The following CCNT2 variants were observed in gnomAD, a reference collection of about 807,000 sequenced individuals.
The protein encoded by CCNT2 is cyclin-T2.
CCNT2 carries 18 observed loss-of-function variants against 70.0 expected under a neutral mutation model. The ratio of observed to expected loss-of-function variants is 0.26; its 90% CI spans 0.18 to 0.38. The LOEUF is 0.38. Ranked by LOEUF, CCNT2 falls within the 10% of genes least tolerant of loss-of-function variation. The probability of loss-of-function intolerance (pLI) is 1.00; values close to 1 mark genes in which losing one functional copy is unlikely to be tolerated. For synonymous variants in CCNT2, 334 were observed against 313.3 expected, an observed-to-expected ratio of 1.07 and a Z score of -0.70; for missense variants, 734 against 890.2, an observed-to-expected ratio of 0.82 and a Z score of 2.23.
Position 134,954,163 on chromosome 2 carries a change from A to C in CCNT2, c.1708A>C (p.Thr570Pro), listed in dbSNP as rs1573871373. ...HKEHPSSRHHTSSHKHSHSHS... is the reference protein window; with the variant it reads ...HKEHPSSRHHPSSHKHSHSHS... ...GGAGCATCCTTCAAGCCGCCACCACACCAGCAGCCACAAGCATTCCCACTC... is the reference window on the plus strand; with the variant it reads ...GGAGCATCCTTCAAGCCGCCACCACCCCAGCAGCCACAAGCATTCCCACTC... Residue 570 changes from threonine (T) to proline (P), a missense_variant, in exon 9 of 9, where the codon ACC (threonine) becomes CCC (proline). Thr to Pro is a conservative substitution (Grantham distance 38). Coordinates refer to ENST00000264157, the MANE Select transcript of CCNT2 (RefSeq NM_058241.3). 6.2e-7 allele frequency: 1 copy of C among 1,614,174 alleles called. No individual in the cohort carries two copies. Among genetic ancestry groups the C allele is most frequent in the Non-Finnish European group, 8.5e-7 (1 of 1,180,024 alleles).
intron 2 of CCNT2, among the ~76,000 whole-genome samples, chr2:134,930,006 C>G (rs1050971733): frequency 6.6e-6 from 1 of 151,824 alleles, no homozygotes; most frequent in Admixed American, 6.6e-5. Context: ...GAGAGAGATA[C>G]AATTCATATA....
intron 1 of CCNT2, among the ~76,000 whole-genome samples, chr2:134,919,449 T>G (rs1256179772): frequency 1.3e-5 from 2 of 152,172 alleles, no homozygotes; most frequent in African/African-American, 4.8e-5. Context: ...GGCGGCTCTC[T>G]TCTACCTTGG....
At chr2:134,949,374 A>G (rs1363070172) in intron 7 of CCNT2, among the ~76,000 whole-genome samples, 1 of 152,192 alleles carries the variant, frequency 6.6e-6, no homozygotes, top group Non-Finnish European at 1.5e-5. Flanking sequence ...CAACTATACC[A>G]TTGCAGCCAG....
In CCNT2 at chr2:134,947,728, T is replaced by G; in HGVS notation, c.540-8T>G. On this transcript the variant is annotated splice_polypyrimidine_tract_variant and splice_region_variant and intron_variant, in intron 6 of 8. Transcript: ENST00000264157. ...TGGCTCTCCATTTTCAAACCTGCTC[T>G]GCAACAGTCTGCATCTTACAACCTT... 1 of 1,451,512 alleles carries G rather than the reference T, an allele frequency of 6.9e-7. No homozygotes were observed. The highest frequency in any genetic ancestry group is 9.2e-7 in the Non-Finnish European group (1 of 1,081,990). 89.9% of individuals were successfully genotyped at this position (1,451,512 alleles called of 1,614,324 possible).
Position 134,948,720 on chromosome 2 carries a change from CT to C in CCNT2, c.703+835del, listed in dbSNP as rs11385900. Among the ~76,000 whole-genome samples, 524 of 143,066 alleles carry C rather than the reference CT, an allele frequency of 3.7e-3. 2 individuals carry two copies. Among genetic ancestry groups the C allele is most frequent in the African/African-American group, 7.0e-3 (275 of 39,052 alleles). 93.9% of individuals were successfully genotyped at this position (143,066 alleles called of 152,430 possible). On this transcript the variant is annotated intron_variant, in intron 7 of 8. Coordinates refer to ENST00000264157, the MANE Select transcript of CCNT2 (RefSeq NM_058241.3). ...GATTTCAGCAAGAAAATAGATAACA[CT>C]TTTTTTTTTTTTTGAGTCAGTCTCA...
chr2:134,952,954 G>A, intron 8 of CCNT2: 1 of 481,090 alleles, frequency 2.1e-6, no homozygotes. Flanking sequence ...TTTTACAAAT[G>A]GGGAAACTGA....
At chr2:134,920,389 T>C (rs1020665931) in intron 2 of CCNT2, 5 of 152,426 alleles carry the variant, frequency 3.3e-5, no homozygotes, top group Admixed American at 2.0e-4. Flanking sequence ...TGTCAACGTT[T>C]CTGTTTATCA....
At chr2:134,945,356 C>A in intron 5 of CCNT2, 1 of 985,340 alleles carries the variant, frequency 1.0e-6, no homozygotes, top group Non-Finnish European at 1.2e-6. Context: ...AAGAGCATCC[C>A]TGTTGGGAAG....
intron 2 of CCNT2, among the ~76,000 whole-genome samples, chr2:134,924,084 CTG>C (rs1249848445): frequency 6.6e-6 from 1 of 152,140 alleles, no homozygotes; most frequent in Non-Finnish European, 1.5e-5. Context: ...TTTCATGTGA[CTG>C]TGCTCTGTCA....
intron 2 of CCNT2, among the ~76,000 whole-genome samples, chr2:134,928,608 C>G (rs544241168): frequency 6.6e-6 from 1 of 151,972 alleles, no homozygotes; most frequent in Non-Finnish European, 1.5e-5. Flanking sequence ...ACGGTGTGGG[C>G]TATAGTCATT....
chr2:134,958,469 A>G lies in CCNT2; in HGVS notation c.*3821A>G, dbSNP rs1298552163. The G allele has an allele frequency of 6.6e-6, 1 of 152,212 alleles. No homozygotes were observed. Among genetic ancestry groups the G allele is most frequent in the East Asian group, 1.9e-4 (1 of 5,202 alleles). 9.4% of individuals were successfully genotyped at this position (152,212 alleles called of 1,614,324 possible). On this transcript the variant is annotated 3_prime_UTR_variant, in exon 9 of 9. Transcript: ENST00000264157. ...AAACTAAATGAGTTGACAGGACAAT[A>G]GGTGCTAATCTCATGTGCCCTAAGA...
At chr2:134,941,100 A>G (rs1681548327) in intron 4 of CCNT2, among the ~76,000 whole-genome samples, 1 of 152,202 alleles carries the variant, frequency 6.6e-6, no homozygotes, top group Non-Finnish European at 1.5e-5. Flanking sequence ...ATTGGAGAGA[A>G]GCTTAAAGCA....
rs1354493855 is a variant in CCNT2, at chr2:134,954,667, T to C, written c.*19T>C. 1 of 1,512,726 alleles carries C rather than the reference T, an allele frequency of 6.6e-7. No individual in the cohort carries two copies. The highest frequency in any genetic ancestry group is 9.1e-7 in the Non-Finnish European group (1 of 1,099,710). The allele number at this position is 1,512,726 out of a possible 1,614,324, so 93.7% of individuals were successfully genotyped here. On this transcript the variant is annotated 3_prime_UTR_variant, in exon 9 of 9. Transcript: ENST00000264157. ...CATGTAATAATTTGTTTAGGTCAAT[T>C]TTTCCTTTACTTTTTTAATTTAAAA...
chr2:134,948,109 C>CA (rs887989908), intron 7 of CCNT2, among the ~76,000 whole-genome samples: 17 of 152,018 alleles, frequency 1.1e-4, no homozygotes, highest in African/African-American at 3.1e-4. Context: ...CACTTGAGCC[C>CA]AGGAGTTCAA....
chr2:134,946,080 GT>G lies in CCNT2; in HGVS notation c.494-8del, dbSNP rs201814332. ...CGTTAAGGCTGATAGTATTGTCTTC[GT>G]TTTTTTTTTTTTCTTACAGCAAGCA... On this transcript the variant is annotated intron_variant, in intron 5 of 8. Transcript: ENST00000264157. 18,819 of 1,267,780 alleles carry G rather than the reference GT, an allele frequency of 0.015. 15 individuals carry two copies. Among genetic ancestry groups the G allele is most frequent in the African/African-American group, 0.039 (2,579 of 65,336 alleles). The allele number at this position is 1,267,780 out of a possible 1,614,324, so 78.5% of individuals were successfully genotyped here. A position where few individuals can be genotyped will look rare whatever the true frequency, so the allele number is the denominator to read the frequency against.
At chr2:134,934,078 C>G (rs533626690) in intron 2 of CCNT2, among the ~76,000 whole-genome samples, 1 of 152,278 alleles carries the variant, frequency 6.6e-6, no homozygotes, top group South Asian at 2.1e-4. Flanking sequence ...CCACAAATAT[C>G]TATTTGTCTC....
chr2:134,933,794 T>G lies in CCNT2; in HGVS notation c.241-3047T>G, dbSNP rs577465739. On this transcript the variant is annotated intron_variant, in intron 2 of 8. Transcript: ENST00000264157. ...CAATTTTAAAAATTTTTCAACATAA[T>G]AATAATATTTGAGTCATATTACTAG... Among the ~76,000 whole-genome samples the G allele has an allele frequency of 7.2e-5, 11 of 152,306 alleles. No homozygotes were observed. In the East Asian group the frequency reaches 2.1e-3, roughly 29 times the overall value.
intron 5 of CCNT2, chr2:134,942,922 A>T: frequency 1.0e-6 from 1 of 985,194 alleles, no homozygotes; most frequent in East Asian, 1.1e-4. Context: ...GCTTCCAAGT[A>T]TTAGGACTCT....
rs188936296 is a variant in CCNT2, at chr2:134,923,460, A to G, written c.240+3569A>G. ...TTCTGCCTTTTAGTTTAATAAAGCA[A>G]TAATTAATCCAACAATAATCTTATG... On this transcript the variant is annotated intron_variant, in intron 2 of 8. Coordinates refer to ENST00000264157, the MANE Select transcript of CCNT2 (RefSeq NM_058241.3). Among the ~76,000 whole-genome samples, 16 of 152,314 alleles carry G rather than the reference A, an allele frequency of 1.1e-4. No individual in the cohort carries two copies. The East Asian group carries it at 2.5e-3, about 24-fold the overall frequency.
Sources: gnomAD v4.1 joint callset for allele counts (sites outside exome capture counted in the v4.1 genomes callset) on GRCh38, gnomAD v4.1.1 for gene constraint, MANE v1.5 for transcripts, NCBI Gene and HGNC (gene_info 2026-07-23, HGNC 2026-07-21) for gene names.